The following PSG5 variants were observed in gnomAD, a reference collection of about 807,000 sequenced individuals.
PSG5 encodes pregnancy specific beta-1-glycoprotein 5.
A neutral mutation model predicts 37.7 loss-of-function variants in PSG5; 53 were observed. That is an observed-to-expected ratio of 1.41 (90% CI 1.13 to 1.77). PSG5 has a LOEUF of 1.77. Ranked by LOEUF, PSG5 falls within the 40% of genes most tolerant of loss-of-function variation. PSG5 has a pLI of 0.00. For missense variants in PSG5, 547 were observed against 405.2 expected, an observed-to-expected ratio of 1.35 and a Z score of -3.00; for synonymous variants, 221 against 155.4, an observed-to-expected ratio of 1.42 and a Z score of -3.14.
At chr19:43,185,183 C>T (rs1226136853) in intron 1 of PSG5, 36 bp from the exon 2 acceptor site, 1 of 1,567,106 alleles carries the variant, frequency 6.4e-7, no homozygotes, top group Non-Finnish European at 8.6e-7. Flanking sequence ...AATATTGAGA[C>T]CTGTGTATTG....
At chr19:43,185,576 C>T (rs1393418735) in intron 1 of PSG5, among the ~76,000 whole-genome samples, 6 of 151,394 alleles carry the variant, frequency 4.0e-5, no homozygotes, top group African/African-American at 9.7e-5. Flanking sequence ...CAACACCTGA[C>T]CTCACATTCT....
intron 2 of PSG5, among the ~76,000 whole-genome samples, chr19:43,178,433 T>C (rs1969056953): frequency 6.6e-6 from 1 of 151,732 alleles, no homozygotes. Context: ...TTCCCCTGTA[T>C]GGTAATAGGT....
intron 2 of PSG5, among the ~76,000 whole-genome samples, chr19:43,184,269 G>A (rs1426395481): frequency 2.6e-5 from 4 of 151,846 alleles, no homozygotes; most frequent in Admixed American, 2.6e-4. Context: ...AGCTCCAGGA[G>A]ACACAGTCCT....
intron 2 of PSG5, among the ~76,000 whole-genome samples, chr19:43,180,919 C>T (rs907634949): frequency 4.0e-5 from 6 of 151,594 alleles, no homozygotes; most frequent in Admixed American, 1.3e-4. Flanking sequence ...AGAAAGAACT[C>T]CCTGCTTCTA....
Position 43,186,398 on chromosome 19 carries a change from G to A in PSG5, c.8C>T (p.Pro3Leu), listed in dbSNP as rs772718971. ...CTGTGTGCAGGGAGGGGCTGAGAGGGGCCCCATGGTCTCTGCGCCTGCGTG... is the reference window on the plus strand; with the variant it reads ...CTGTGTGCAGGGAGGGGCTGAGAGGAGCCCCATGGTCTCTGCGCCTGCGTG... Reference protein sequence around the residue: MGPLSAPPCTQHI... With the variant: MGLLSAPPCTQHI... The change falls in exon 1 of 6, where the codon CCC (proline) becomes CTC (leucine). Residue 3 changes from proline (P) to leucine (L), a missense_variant. Transcript: ENST00000342951. 13 of 1,612,106 alleles carry A rather than the reference G, an allele frequency of 8.1e-6. No individual in the cohort carries two copies. Among genetic ancestry groups the A allele is most frequent in the East Asian group, 6.7e-5 (3 of 44,868 alleles).
intron 2 of PSG5, among the ~76,000 whole-genome samples, chr19:43,176,405 A>G (rs1307969065): frequency 1.3e-5 from 2 of 151,638 alleles, no homozygotes; most frequent in African/African-American, 4.9e-5. Context: ...GAACAGACAC[A>G]TCAGTGGGAG....
Position 43,185,236 on chromosome 19 carries a change from A to G in PSG5, c.65-89T>C, listed in dbSNP as rs561360123. On this transcript the variant is annotated intron_variant, in intron 1 of 5. Coordinates refer to ENST00000342951, the MANE Select transcript of PSG5 (RefSeq NM_002781.4). ...CCTGGGTCCTGAGAAGGTCTCTTCAATCCTCAGCCTTGAAGACACACACAC... is the reference window on the plus strand; with the variant it reads ...CCTGGGTCCTGAGAAGGTCTCTTCAGTCCTCAGCCTTGAAGACACACACAC... The G allele has an allele frequency of 1.6e-4, 232 of 1,431,380 alleles. 3 individuals are homozygous for G. The highest frequency in any genetic ancestry group is 2.0e-4 in the Non-Finnish European group (213 of 1,055,558). 88.7% of individuals were successfully genotyped at this position (1,431,380 alleles called of 1,614,324 possible). A position where few individuals can be genotyped will look rare whatever the true frequency, so the allele number is the denominator to read the frequency against.
intron 5 of PSG5, among the ~76,000 whole-genome samples, chr19:43,168,410 C>G (rs927290256): frequency 5.3e-5 from 8 of 151,508 alleles, no homozygotes; most frequent in African/African-American, 1.9e-4. Flanking sequence ...ACTCTGTCAC[C>G]CAGGCTGGAG....
chr19:43,177,710 A>T (rs1969040755), intron 2 of PSG5, among the ~76,000 whole-genome samples: 1 of 151,518 alleles, frequency 6.6e-6, no homozygotes. Context: ...CATTAATAAG[A>T]GCCTGTCAGG....
intron 4 of PSG5, among the ~76,000 whole-genome samples, chr19:43,173,777 A>G (rs1011757638): frequency 4.0e-5 from 6 of 151,724 alleles, no homozygotes; most frequent in Admixed American, 6.6e-5. Flanking sequence ...GGGAATGGGA[A>G]ATGTTATAGC....
At chr19:43,171,076 A>T (rs1568547341) in intron 4 of PSG5, 1 of 151,498 alleles carries the variant, frequency 6.6e-6, no homozygotes, top group Non-Finnish European at 1.5e-5. Flanking sequence ...ATCTCATTTA[A>T]TCCACACAAT....
intron 5 of PSG5, among the ~76,000 whole-genome samples, chr19:43,169,096 G>A (rs1188696232): frequency 6.6e-6 from 1 of 151,562 alleles, no homozygotes; most frequent in Admixed American, 6.6e-5. Context: ...GCTTTCCAGT[G>A]ATTCCAATGT....
rs1038028260 is a variant in PSG5 at position 43,178,897 on chromosome 19, C to A, written c.431-2749G>T. On this transcript the variant is annotated intron_variant, in intron 2 of 5. Coordinates refer to ENST00000342951, the MANE Select transcript of PSG5 (RefSeq NM_002781.4). ...TACTCACGGAGGAGATTCAGGGTGA[C>A]TGGGTCACTGTGGCTGGCACTCACT... 5.0e-6 allele frequency: 8 copies of A among 1,612,814 alleles called. 1 individual carries two copies. Among genetic ancestry groups the A allele is most frequent in the African/African-American group, 2.7e-5 (2 of 74,584 alleles).
intron 4 of PSG5, chr19:43,170,747 A>C (rs1968888783): frequency 6.0e-6 from 1 of 167,908 alleles, no homozygotes; most frequent in Admixed American, 6.0e-5. Flanking sequence ...TTTCTTTTTC[A>C]CAGGAATCAG....
chr19:43,181,355 T>G (rs1469065726), intron 2 of PSG5, among the ~76,000 whole-genome samples: 11 of 151,778 alleles, frequency 7.2e-5, no homozygotes, highest in Non-Finnish European at 1.0e-4. Context: ...GAACTTTCCT[T>G]TTTCAGTTTT....
At position 43,167,961 on chromosome 19, in the gene PSG5, T is replaced by C; in HGVS notation, c.*283A>G. On this transcript the variant is annotated 3_prime_UTR_variant, in exon 6 of 6. Coordinates refer to ENST00000342951, the MANE Select transcript of PSG5 (RefSeq NM_002781.4). Reference sequence around the variant, plus strand: ...CAAATAGAAAATTATGAAAACATTATGCTTTTGATTATTTAGTCCAATAAC... The same window carrying C: ...CAAATAGAAAATTATGAAAACATTACGCTTTTGATTATTTAGTCCAATAAC... 2.5e-6 allele frequency: 1 copy of C among 400,806 alleles called. No homozygotes were observed. Among genetic ancestry groups the C allele is most frequent in the East Asian group, 3.7e-5 (1 of 27,306 alleles). 24.8% of individuals were successfully genotyped at this position (400,806 alleles called of 1,614,324 possible). A position where few individuals can be genotyped will look rare whatever the true frequency, so the allele number is the denominator to read the frequency against.
At chr19:43,171,983 C>CA (rs60198220) in intron 4 of PSG5, among the ~76,000 whole-genome samples, 53,517 of 104,684 alleles carry the variant, frequency 0.51, 11,854 homozygotes, top group East Asian at 0.66. Flanking sequence ...TCCCTCTCTT[C>CA]AAAAAAAAAA....
chr19:43,170,540 G>A, intron 4 of PSG5: 2 of 427,270 alleles, frequency 4.7e-6, no homozygotes, highest in South Asian at 2.0e-5. Context: ...ATTGACAGAA[G>A]GCCCACGTCC....
intron 2 of PSG5, chr19:43,183,438 T>G (rs1411223429): frequency 1.9e-6 from 1 of 529,616 alleles, no homozygotes; most frequent in Non-Finnish European, 3.9e-6. Context: ...CTCCTGAGTG[T>G]GTGTCTCTCG....
Sources: allele counts gnomAD v4.1 joint callset (sites outside exome capture counted in the v4.1 genomes callset), GRCh38; gene constraint gnomAD v4.1.1; transcripts MANE v1.5; gene names NCBI Gene and HGNC (gene_info 2026-07-23, HGNC 2026-07-21).